The following GALNTL5 variants were observed in gnomAD, a reference collection of about 807,000 sequenced individuals.
GALNTL5 encodes polypeptide N-acetylgalactosaminyltransferase like 5.
GALNTL5 carries 44 observed loss-of-function variants against 51.0 expected under a neutral mutation model. The observed-to-expected ratio is 0.86, with a 90% confidence interval of 0.68 to 1.11. The LOEUF (loss-of-function observed/expected upper bound fraction) is 1.11. Ranked by LOEUF, GALNTL5 falls within the 50% of genes least tolerant of loss-of-function variation. GALNTL5 has a pLI of 0.00. For synonymous variants in GALNTL5, 192 were observed against 182.8 expected, an observed-to-expected ratio of 1.05 and a Z score of -0.41; for missense variants, 528 against 531.8, an observed-to-expected ratio of 0.99 and a Z score of 0.07.
chr7:152,008,850 C>G (rs888416607), intron 7 of GALNTL5, among the ~76,000 whole-genome samples: 1 of 151,888 alleles, frequency 6.6e-6, no homozygotes, highest in African/African-American at 2.4e-5. Flanking sequence ...GTTGATTATT[C>G]CTTGTTTTAT....
intron 3 of GALNTL5, among the ~76,000 whole-genome samples, chr7:151,980,551 C>T (rs2081265785): frequency 6.6e-6 from 1 of 151,926 alleles, no homozygotes; most frequent in African/African-American, 2.4e-5. Flanking sequence ...ACTCAGTGGG[C>T]ATGACTTCTC....
At position 151,958,126 on chromosome 7, in the gene GALNTL5, C is replaced by A. The variant is rs548707032; in HGVS notation, c.-40+1517C>A. 5.9e-5 allele frequency among the ~76,000 whole-genome samples: 9 copies of A among 152,328 alleles called. No homozygotes were observed. In the South Asian group the frequency reaches 1.9e-3, roughly 32 times the overall value. ...GTAATAATCCTATTGAGACAGGATTCTTTCAATGTCACTTTGCCAGCTGGA... is the reference window on the plus strand; with the variant it reads ...GTAATAATCCTATTGAGACAGGATTATTTCAATGTCACTTTGCCAGCTGGA... On this transcript the variant is annotated intron_variant, in intron 1 of 8. Coordinates refer to ENST00000392800, the MANE Select transcript of GALNTL5 (RefSeq NM_145292.4).
intron 5 of GALNTL5, among the ~76,000 whole-genome samples, chr7:151,990,297 GC>G (rs1317125989): frequency 3.9e-5 from 6 of 151,942 alleles, no homozygotes; most frequent in Non-Finnish European, 7.4e-5. Context: ...ACCTGCCTCG[GC>G]CTCCTGAAGT....
At chr7:151,990,820 G>C (rs1008281757) in intron 5 of GALNTL5, among the ~76,000 whole-genome samples, 2 of 151,948 alleles carry the variant, frequency 1.3e-5, no homozygotes, top group African/African-American at 4.8e-5. Flanking sequence ...GGGTTGAAGA[G>C]CCTCCGCCAG....
Position 151,983,025 on chromosome 7 carries a change from C to T in GALNTL5, c.408C>T (p.Ala136=), listed in dbSNP as rs764985593. 15 of 1,614,012 alleles carry T rather than the reference C, an allele frequency of 9.3e-6. No individual in the cohort carries two copies. The highest frequency in any genetic ancestry group is 1.3e-5 in the Non-Finnish European group (15 of 1,180,012). ...ATTACCCAGCCCGCCTCCCGACTGC[C>T]AGCATTGTCATTTGCTTCTATAATG... ...QKHYPARLPT[A]SIVICFYNEE... is the part of the protein sequence containing the mutation. Residue 136 remains alanine, a synonymous_variant, in exon 4 of 9, where the codon GCC becomes GCT. Coordinates refer to ENST00000392800, the MANE Select transcript of GALNTL5 (RefSeq NM_145292.4).
chr7:151,962,772 C>T (rs1174826515), intron 1 of GALNTL5, among the ~76,000 whole-genome samples: 8 of 152,096 alleles, frequency 5.3e-5, no homozygotes, highest in African/African-American at 1.4e-4. Flanking sequence ...CCATGCCCAG[C>T]TAATTTTTCT....
chr7:152,000,906 T>C (rs1260233803), intron 5 of GALNTL5, among the ~76,000 whole-genome samples: 6 of 140,738 alleles, frequency 4.3e-5, no homozygotes, highest in Admixed American at 3.4e-4. Flanking sequence ...TTCTTTTTTT[T>C]CTTTCTTTTT....
chr7:151,985,570 C>T (rs987071106), intron 4 of GALNTL5, among the ~76,000 whole-genome samples: 1 of 151,958 alleles, frequency 6.6e-6, no homozygotes, highest in Non-Finnish European at 1.5e-5. Context: ...GGGCCAGGGG[C>T]CCAGGGAACT....
chr7:151,981,663 T>TC (rs1207752742), intron 3 of GALNTL5, among the ~76,000 whole-genome samples: 36 of 116,532 alleles, frequency 3.1e-4, no homozygotes, highest in African/African-American at 1.1e-3. Flanking sequence ...CCTCCCTCCC[T>TC]CCCCCTCTTC....
chr7:151,977,369 T>C (rs2081219443), intron 3 of GALNTL5, among the ~76,000 whole-genome samples: 2 of 152,200 alleles, frequency 1.3e-5, no homozygotes, highest in South Asian at 4.1e-4. Flanking sequence ...CCATATTTTA[T>C]TATTTTTAAC....
intron 4 of GALNTL5, among the ~76,000 whole-genome samples, chr7:151,984,462 C>A (rs1261951660): frequency 6.6e-6 from 1 of 152,146 alleles, no homozygotes; most frequent in East Asian, 1.9e-4. Context: ...GAGGAAGAAA[C>A]CATCCCATGA....
chr7:151,979,778 C>G (rs1267446880), intron 3 of GALNTL5, among the ~76,000 whole-genome samples: 2 of 151,960 alleles, frequency 1.3e-5, no homozygotes, highest in African/African-American at 4.8e-5. Context: ...TATAGACATA[C>G]CACAGCAACA....
At chr7:151,985,191 G>T (rs2081345450) in intron 4 of GALNTL5, among the ~76,000 whole-genome samples, 1 of 152,166 alleles carries the variant, frequency 6.6e-6, no homozygotes, top group African/African-American at 2.4e-5. Context: ...CCATCATACT[G>T]AGGGGTACTT....
chr7:151,977,210 CACACACT>C (rs1169375392), intron 3 of GALNTL5, among the ~76,000 whole-genome samples: 2 of 152,066 alleles, frequency 1.3e-5, no homozygotes, highest in African/African-American at 4.8e-5. Flanking sequence ...TTTAAGCAAA[CACACACT>C]ACATAGTAGG....
At position 151,970,971 on chromosome 7, in the gene GALNTL5, G is replaced by T; in HGVS notation, c.274G>T (p.Glu92Ter). ...LGTDFNHTNP[E>*]LHKELLKYGF... ...TACAGATTTTAACCATACAAACCCA[G>T]AACTTCATAAAGAACTTTTAAAATA... is the stretch of plus-strand genomic sequence containing the variant. Residue 92 changes from glutamate (E) to a stop codon, truncating the protein, a stop_gained, in exon 3 of 9, where the codon GAA becomes TAA. Transcript: ENST00000392800. LOFTEE classifies it high-confidence loss of function. 4 of 1,605,564 alleles carry T rather than the reference G, an allele frequency of 2.5e-6. No individual in the cohort carries two copies. The highest frequency in any genetic ancestry group is 1.1e-5 in the South Asian group (1 of 90,646).
chr7:151,974,381 T>A (rs7778591), intron 3 of GALNTL5, among the ~76,000 whole-genome samples: 6,627 of 151,844 alleles, frequency 0.044, 457 homozygotes, highest in African/African-American at 0.15. Context: ...GTTTTTAGCA[T>A]CTTTAAGTTC....
intron 5 of GALNTL5, among the ~76,000 whole-genome samples, chr7:151,987,715 G>C (rs1487839590): frequency 1.3e-5 from 2 of 152,188 alleles, no homozygotes; most frequent in East Asian, 3.9e-4. Flanking sequence ...TGGGGCAAGA[G>C]ATAGGAGAAC....
intron 4 of GALNTL5, among the ~76,000 whole-genome samples, chr7:151,983,598 A>G (rs2081324573): frequency 6.6e-6 from 1 of 152,138 alleles, no homozygotes; most frequent in Non-Finnish European, 1.5e-5. Flanking sequence ...TATGGTGGAC[A>G]TGTGAGACCT....
Position 152,019,829 on chromosome 7 carries a change from A to C in GALNTL5, c.*28A>C. The C allele has an allele frequency of 6.3e-7, 1 of 1,577,824 alleles. No homozygotes were observed. Among genetic ancestry groups the C allele is most frequent in the African/African-American group, 1.4e-5 (1 of 73,966 alleles). ...GGAAAACAAATCACTTTCATTAATA[A>C]AGGGTTAAAAGTCTCCTAGTCATTC... On this transcript the variant is annotated 3_prime_UTR_variant, in exon 9 of 9. Coordinates refer to ENST00000392800, the MANE Select transcript of GALNTL5 (RefSeq NM_145292.4).
Sources: allele counts gnomAD v4.1 joint callset (sites outside exome capture counted in the v4.1 genomes callset), GRCh38; gene constraint gnomAD v4.1.1; transcripts MANE v1.5; gene names NCBI Gene and HGNC (gene_info 2026-07-23, HGNC 2026-07-21).